The following GABRG3 variants were observed in gnomAD, a reference collection of about 807,000 sequenced individuals.
GABRG3 encodes the protein gamma-aminobutyric acid receptor subunit gamma-3.
Under a neutral mutation model 48.8 loss-of-function variants are expected in GABRG3, and 25 were observed. That is an observed-to-expected ratio of 0.51 (90% CI 0.37 to 0.72). GABRG3 has a LOEUF of 0.72. GABRG3 is among the 30% of genes least tolerant of loss of function. GABRG3 has a pLI of 0.00. For synonymous variants in GABRG3, 227 were observed against 217.6 expected (o/e 1.04, Z -0.38); for missense variants, 394 against 577.9 (o/e 0.68, Z 3.26).
chr15:27,404,245 AC>A (rs1887567678), intron 5 of GABRG3, among the ~76,000 whole-genome samples: 1 of 152,104 alleles, frequency 6.6e-6, no homozygotes, highest in South Asian at 2.1e-4. Flanking sequence ...CAGGCCTCCT[AC>A]CCCAGGAGTC....
At chr15:27,051,071 C>T (rs1311573699) in intron 3 of GABRG3, among the ~76,000 whole-genome samples, 1 of 152,182 alleles carries the variant, frequency 6.6e-6, no homozygotes, top group Non-Finnish European at 1.5e-5. Context: ...GGCAATAGGA[C>T]TCAGACCACA....
In GABRG3 at chr15:27,166,807, T is replaced by C. The variant is rs547481870; in HGVS notation, c.270+139986T>C. The stretch of plus-strand genomic sequence containing the variant: ...GAAATCCATTATACTGCAGGGTGCA[T>C]GTCTCAATGCAAAGACAAAGCACTG... On this transcript the variant is annotated intron_variant, in intron 3 of 9. Transcript: ENST00000615808. 5.3e-5 allele frequency among the ~76,000 whole-genome samples: 8 copies of C among 152,218 alleles called. No individual in the cohort carries two copies. In the East Asian group the frequency reaches 1.5e-3, roughly 29 times the overall value.
chr15:27,412,246 G>A (rs1887818922), intron 5 of GABRG3, among the ~76,000 whole-genome samples: 1 of 152,040 alleles, frequency 6.6e-6, no homozygotes, highest in Non-Finnish European at 1.5e-5. Flanking sequence ...CAAAAGGATA[G>A]TACAATACCA....
chr15:27,198,591 T>A (rs2140427410), intron 3 of GABRG3, among the ~76,000 whole-genome samples: 1 of 152,326 alleles, frequency 6.6e-6, no homozygotes, highest in Non-Finnish European at 1.5e-5. Context: ...AGTGTGGTGA[T>A]TCCTCAAGAA....
chr15:27,475,122 T>A (rs1050084220), intron 5 of GABRG3, among the ~76,000 whole-genome samples: 5 of 152,012 alleles, frequency 3.3e-5, no homozygotes, highest in Non-Finnish European at 7.4e-5. Context: ...AGAGTTTGAC[T>A]CCATCTCAAA....
At chr15:27,443,252 T>G (rs1349692422) in intron 5 of GABRG3, among the ~76,000 whole-genome samples, 3 of 152,146 alleles carry the variant, frequency 2.0e-5, no homozygotes, top group Non-Finnish European at 4.4e-5. Context: ...GGGAGAGGCC[T>G]CAGAAGGAGT....
At chr15:27,204,057 TAA>T in intron 3 of GABRG3, among the ~76,000 whole-genome samples, 1 of 152,278 alleles carries the variant, frequency 6.6e-6, no homozygotes, top group South Asian at 2.1e-4. Context: ...TTAGTTTAAT[TAA>T]GTCTCACTTG....
intron 3 of GABRG3, among the ~76,000 whole-genome samples, chr15:27,308,478 T>C (rs1595664980): frequency 1.4e-5 from 2 of 145,808 alleles, no homozygotes; most frequent in South Asian, 4.4e-4. Flanking sequence ...TATATAAACA[T>C]ATAATGTAAA....
intron 3 of GABRG3, among the ~76,000 whole-genome samples, chr15:27,052,961 A>G (rs1395090048): frequency 6.6e-6 from 1 of 152,246 alleles, no homozygotes; most frequent in Non-Finnish European, 1.5e-5. Context: ...GGCTAGCCAC[A>G]TGCGGAAGAA....
chr15:27,297,403 A>C (rs1892032806), intron 3 of GABRG3, among the ~76,000 whole-genome samples: 1 of 152,192 alleles, frequency 6.6e-6, no homozygotes, highest in African/African-American at 2.4e-5. Context: ...GGCTACTTCC[A>C]GTTCTGCAAG....
In GABRG3 at chr15:27,396,461, C is replaced by G. The variant is rs543285474; in HGVS notation, c.574+67573C>G. Among the ~76,000 whole-genome samples the G allele has an allele frequency of 2.6e-5, 4 of 152,290 alleles. No homozygotes were observed. In the South Asian group the frequency reaches 6.2e-4, roughly 24 times the overall value. ...AAAACTAGATTGCAGTACCAATACG[C>G]ACCTATTAGAATGTCTTTTGAAAAA... On this transcript the variant is annotated intron_variant, in intron 5 of 9. Coordinates refer to ENST00000615808, the MANE Select transcript of GABRG3 (RefSeq NM_033223.5).
At chr15:27,090,073 G>C (rs1897159056) in intron 3 of GABRG3, among the ~76,000 whole-genome samples, 1 of 152,184 alleles carries the variant, frequency 6.6e-6, no homozygotes, top group Admixed American at 6.5e-5. Flanking sequence ...GGTAGTCCCT[G>C]ACTTAAGATT....
At chr15:27,307,800 T>A (rs1249700806) in intron 3 of GABRG3, among the ~76,000 whole-genome samples, 1 of 128,056 alleles carries the variant, frequency 7.8e-6, no homozygotes, top group Admixed American at 8.2e-5. Flanking sequence ...ATATATAAAA[T>A]AAACATAAAC....
At chr15:27,335,094 T>A (rs966525649) in intron 5 of GABRG3, among the ~76,000 whole-genome samples, 1 of 152,252 alleles carries the variant, frequency 6.6e-6, no homozygotes, top group Non-Finnish European at 1.5e-5. Context: ...ATTTGTTTGT[T>A]CATATTCTGA....
chr15:27,197,717 G>A (rs1208574083), intron 3 of GABRG3, among the ~76,000 whole-genome samples: 1 of 152,124 alleles, frequency 6.6e-6, no homozygotes, highest in East Asian at 1.9e-4. Context: ...GGTAGAACTT[G>A]GCTGTGAATC....
chr15:27,075,951 C>T (rs910013958), intron 3 of GABRG3, among the ~76,000 whole-genome samples: 8 of 152,154 alleles, frequency 5.3e-5, no homozygotes, highest in African/African-American at 1.2e-4. Flanking sequence ...GTGCGAGTCA[C>T]GGAACGGAAG....
chr15:27,373,198 G>A (rs895515616), intron 5 of GABRG3, among the ~76,000 whole-genome samples: 2 of 152,080 alleles, frequency 1.3e-5, no homozygotes, highest in African/African-American at 4.8e-5. Context: ...AGGAAATAAC[G>A]AACTTGAATT....
chr15:27,389,023 T>C (rs1896140299), intron 5 of GABRG3, among the ~76,000 whole-genome samples: 2 of 152,204 alleles, frequency 1.3e-5, no homozygotes, highest in Non-Finnish European at 2.9e-5. Context: ...TAACTGAAAG[T>C]ATCCTAACAC....
At chr15:27,246,310 G>T (rs1890269272) in intron 3 of GABRG3, among the ~76,000 whole-genome samples, 1 of 152,042 alleles carries the variant, frequency 6.6e-6, no homozygotes, top group South Asian at 2.1e-4. Context: ...AGACAATATG[G>T]TATATTCTTT....
Sources: gnomAD v4.1 joint callset for allele counts (sites outside exome capture counted in the v4.1 genomes callset) on GRCh38, gnomAD v4.1.1 for gene constraint, MANE v1.5 for transcripts, NCBI Gene and HGNC (gene_info 2026-07-23, HGNC 2026-07-21) for gene names.